Variants in ITPR1 observed in about 807,000 individuals in gnomAD.
ITPR1 encodes the protein inositol 1,4,5-trisphosphate-gated calcium channel ITPR1.
In ITPR1, 96 loss-of-function variants were observed where a neutral mutation model predicts 318.4. The observed-to-expected ratio is 0.30, with a 90% CI of 0.26 to 0.36. The LOEUF (loss-of-function observed/expected upper bound fraction) is 0.36. Ranked by LOEUF, ITPR1 falls within the 10% of genes least tolerant of loss-of-function variation. ITPR1 has a pLI of 1.00. For synonymous variants in ITPR1, 1,312 were observed against 1,289.9 expected, an observed-to-expected ratio of 1.02 and a Z score of -0.37; for missense variants, 2,440 against 3,460.2, an observed-to-expected ratio of 0.71 and a Z score of 7.40.
intron 60 of ITPR1, among the ~76,000 whole-genome samples, chr3:4,819,226 T>C (rs570146954): frequency 6.6e-6 from 1 of 152,342 alleles, no homozygotes; most frequent in African/African-American, 2.4e-5. Context: ...AGGGCAGCGA[T>C]TACGTGGTTG....
intron 4 of ITPR1, among the ~76,000 whole-genome samples, chr3:4,612,225 C>A (rs56196544): frequency 6.6e-6 from 1 of 151,978 alleles, no homozygotes; most frequent in South Asian, 2.1e-4. Flanking sequence ...CCACGCCTGG[C>A]TAATTTTTAT....
At position 4,645,740 on chromosome 3, in the gene ITPR1, G is replaced by A. The variant is rs1575874629; in HGVS notation, c.855+12G>A. 6.2e-7 allele frequency: 1 copy of A among 1,610,616 alleles called. No individual in the cohort carries two copies. Among genetic ancestry groups the A allele is most frequent in the Admixed American group, 1.7e-5 (1 of 59,910 alleles). ...TGTGGGAGGTGGAGGTAAGGGTAGGGTGGAGAAAGGGCTCCTGGGTTTAGA... is the reference window on the plus strand; with the variant it reads ...TGTGGGAGGTGGAGGTAAGGGTAGGATGGAGAAAGGGCTCCTGGGTTTAGA... On this transcript the variant is annotated intron_variant, in intron 10 of 61. Coordinates refer to ENST00000649015, the MANE Select transcript of ITPR1 (RefSeq NM_001378452.1).
At chr3:4,766,481 AG>A (rs1559859084) in intron 44 of ITPR1, 48 bp from the exon 45 acceptor site, 2 of 1,522,704 alleles carry the variant, frequency 1.3e-6, no homozygotes, top group Admixed American at 1.8e-5. Context: ...AGTGGGGTGC[AG>A]TTTCTGGTCA....
At chr3:4,846,079 T>C in intron 61 of ITPR1, 60 bp from the exon 62 acceptor site, 1 of 954,846 alleles carries the variant, frequency 1.0e-6, no homozygotes, top group East Asian at 2.7e-5. Flanking sequence ...TATGGTTCAG[T>C]ATGCGATTTG....
chr3:4,746,884 C>T (rs1338078263), intron 44 of ITPR1, among the ~76,000 whole-genome samples: 1 of 152,224 alleles, frequency 6.6e-6, no homozygotes, highest in Non-Finnish European at 1.5e-5. Context: ...CAAGGGTGCA[C>T]TTTCTTCCGG....
intron 4 of ITPR1, among the ~76,000 whole-genome samples, chr3:4,627,170 T>TA (rs71623171): frequency 3.2e-4 from 47 of 147,394 alleles, no homozygotes; most frequent in East Asian, 1.6e-3. Flanking sequence ...TGGATTTGTA[T>TA]AAAAAAAAAA....
chr3:4,662,510 G>A (rs1225875676), intron 15 of ITPR1, among the ~76,000 whole-genome samples: 1 of 152,132 alleles, frequency 6.6e-6, no homozygotes. Context: ...ATTACTTGAG[G>A]TCAGCAGTTC....
At chr3:4,799,503 G>A (rs2048090280) in intron 53 of ITPR1, among the ~76,000 whole-genome samples, 1 of 152,192 alleles carries the variant, frequency 6.6e-6, no homozygotes, top group Non-Finnish European at 1.5e-5. Context: ...CTGCAAAGGT[G>A]TCTCCTCCCC....
intron 4 of ITPR1, among the ~76,000 whole-genome samples, chr3:4,563,497 A>C (rs908900254): frequency 6.6e-6 from 1 of 152,194 alleles, no homozygotes; most frequent in Non-Finnish European, 1.5e-5. Flanking sequence ...TGACAGAATG[A>C]GACCCTGTCT....
intron 4 of ITPR1, among the ~76,000 whole-genome samples, chr3:4,598,933 T>C (rs1038576509): frequency 2.0e-5 from 3 of 152,086 alleles, no homozygotes; most frequent in Admixed American, 6.5e-5. Context: ...TTTTCCTCTT[T>C]TGTACAGTGT....
chr3:4,719,655 G>A (rs957361761), intron 40 of ITPR1, among the ~76,000 whole-genome samples: 1 of 152,202 alleles, frequency 6.6e-6, no homozygotes. Flanking sequence ...AAGGCCACTT[G>A]ATGTGCAATT....
chr3:4,576,527 G>A (rs1575586630), intron 4 of ITPR1, among the ~76,000 whole-genome samples: 2 of 152,128 alleles, frequency 1.3e-5, no homozygotes, highest in Non-Finnish European at 2.9e-5. Flanking sequence ...AAGCAAAAAA[G>A]GATAGCATTC....
rs561463878 is a variant in ITPR1, at chr3:4,703,081, C to T, written c.4657+131C>T. 6.0e-5 allele frequency: 60 copies of T among 994,032 alleles called. 1 individual carries two copies. In the South Asian group the frequency reaches 6.8e-4, roughly 11 times the overall value. 61.6% of individuals were successfully genotyped at this position (994,032 alleles called of 1,614,324 possible). A position where few individuals can be genotyped will look rare whatever the true frequency, so the allele number is the denominator to read the frequency against. On this transcript the variant is annotated intron_variant, in intron 36 of 61. Coordinates refer to ENST00000649015, the MANE Select transcript of ITPR1 (RefSeq NM_001378452.1). ...AGACAGGAAGTTTCAGAGCCAGACC[C>T]GGAACCAAGGTCTTCTTGATTGCTG...
chr3:4,769,607 A>G (rs1440164185), intron 46 of ITPR1, among the ~76,000 whole-genome samples: 4 of 152,332 alleles, frequency 2.6e-5, no homozygotes, highest in African/African-American at 9.6e-5. Flanking sequence ...TCTGATAACA[A>G]TGGGCAAGGT....
chr3:4,689,008 TC>T (rs2094440419), intron 31 of ITPR1, among the ~76,000 whole-genome samples: 1 of 152,222 alleles, frequency 6.6e-6, no homozygotes, highest in African/African-American at 2.4e-5. Flanking sequence ...ATCAAACATA[TC>T]TGTAATACAT....
intron 28 of ITPR1, 118 bp from the exon 29 acceptor site, chr3:4,684,163 G>C (rs891374199): frequency 1.4e-6 from 1 of 712,092 alleles, no homozygotes; most frequent in Non-Finnish European, 2.5e-6. Context: ...AGCCCAGCAT[G>C]ACTATTGTAA....
chr3:4,809,854 T>C (rs1166518167), intron 55 of ITPR1, among the ~76,000 whole-genome samples: 1 of 152,230 alleles, frequency 6.6e-6, no homozygotes, highest in Non-Finnish European at 1.5e-5. Context: ...ATTGAGCTGC[T>C]GGAAAACATT....
intron 4 of ITPR1, among the ~76,000 whole-genome samples, chr3:4,570,140 A>G (rs560673046): frequency 6.6e-6 from 1 of 152,306 alleles, no homozygotes; most frequent in African/African-American, 2.4e-5. Flanking sequence ...TAGATTTCAA[A>G]CTTTATCTGA....
Position 4,684,791 on chromosome 3 carries a change from C to G in ITPR1, c.3565-278C>G, listed in dbSNP as rs2306880. ...CCAGAGCAAACTCTTCCCAGGGTCT[C>G]GGCAATGATGCCAGGTCATTCCATT... is the stretch of plus-strand genomic sequence containing the variant. On this transcript the variant is annotated intron_variant, in intron 29 of 61. Coordinates refer to ENST00000649015, the MANE Select transcript of ITPR1 (RefSeq NM_001378452.1). Among the ~76,000 whole-genome samples, 3 of 152,178 alleles carry G rather than the reference C, an allele frequency of 2.0e-5. No homozygotes were observed. The East Asian group carries it at 5.8e-4, about 29-fold the overall frequency.
Sources: gnomAD v4.1 joint callset for allele counts (sites outside exome capture counted in the v4.1 genomes callset) on GRCh38, gnomAD v4.1.1 for gene constraint, MANE v1.5 for transcripts, NCBI Gene and HGNC (gene_info 2026-07-23, HGNC 2026-07-21) for gene names.